Variants in EYS observed in about 807,000 individuals in gnomAD.
The protein encoded by EYS is protein eyes shut homolog.
In EYS, 250 loss-of-function variants were observed where a neutral mutation model predicts 282.1. The ratio of observed to expected loss-of-function variants is 0.89; its 90% confidence interval spans 0.80 to 0.98. The LOEUF is 0.98. EYS is among the 50% of genes least tolerant of loss of function. EYS has a pLI of 0.00. For missense variants in EYS, 4,016 were observed against 3,709.0 expected, an observed-to-expected ratio of 1.08 and a Z score of -2.15; for synonymous variants, 1,355 against 1,282.9, an observed-to-expected ratio of 1.06 and a Z score of -1.20.
intron 37 of EYS, among the ~76,000 whole-genome samples, chr6:63,795,137 A>G: frequency 6.6e-6 from 1 of 152,214 alleles, no homozygotes; most frequent in Non-Finnish European, 1.5e-5. Flanking sequence ...CAGCACCATT[A>G]AGCAGTGAGT....
At chr6:65,593,323 G>A (rs116489155) in intron 2 of EYS, among the ~76,000 whole-genome samples, 2,813 of 152,098 alleles carry the variant, frequency 0.018, 35 homozygotes, top group Middle Eastern at 0.031. Context: ...ATTCATATTA[G>A]AAGATCAAAT....
chr6:63,973,870 T>C (rs951891114), intron 35 of EYS, among the ~76,000 whole-genome samples: 1 of 152,146 alleles, frequency 6.6e-6, no homozygotes, highest in African/African-American at 2.4e-5. Context: ...AAGGTTTAGG[T>C]AGGCAGGTGG....
Position 65,289,189 on chromosome 6 carries a change from G to C in EYS, c.2023+6674C>G, listed in dbSNP as rs542206927. On this transcript the variant is annotated intron_variant, in intron 12 of 42. Transcript: ENST00000503581. Reference sequence around the variant, plus strand: ...AATATGTTTATTTTATACAAATATGGATTAAAATAAGAAACTTTTAAGTAT... The same window carrying C: ...AATATGTTTATTTTATACAAATATGCATTAAAATAAGAAACTTTTAAGTAT... Among the ~76,000 whole-genome samples the C allele has an allele frequency of 1.3e-4, 20 of 150,800 alleles. 1 individual carries two copies. In the South Asian group the frequency reaches 4.2e-3, roughly 31 times the overall value.
intron 12 of EYS, among the ~76,000 whole-genome samples, chr6:65,090,432 ATTACCCAGTCTTGGGTACATCT>A (rs1217781326): frequency 1.3e-5 from 2 of 152,106 alleles, no homozygotes; most frequent in Non-Finnish European, 2.9e-5. Flanking sequence ...TTCTTTATAA[ATTACCCAGTCTTGGGTACATCT>A]TTACAACAGT....
chr6:64,454,682 G>A (rs920982473), intron 26 of EYS, among the ~76,000 whole-genome samples: 2 of 152,070 alleles, frequency 1.3e-5, no homozygotes, highest in East Asian at 3.9e-4. Flanking sequence ...TCATATGTGG[G>A]GGTTCTACTG....
chr6:64,717,784 A>C (rs910319893), intron 22 of EYS, among the ~76,000 whole-genome samples: 12 of 152,326 alleles, frequency 7.9e-5, no homozygotes, highest in African/African-American at 2.4e-4. Context: ...CTTTACACTT[A>C]GGTTCAAAGT....
In EYS at chr6:65,384,829, T is replaced by G. The variant is rs927811580; in HGVS notation, c.1185-329A>C. On this transcript the variant is annotated intron_variant, in intron 7 of 42. Coordinates refer to ENST00000503581, the MANE Select transcript of EYS (RefSeq NM_001142800.2). ...TGAAGAAAAAACATGACAAATGTGA[T>G]TTTTTAATGTTTAGTAGAGCCAGTA... Among the ~76,000 whole-genome samples, 7 of 152,008 alleles carry G rather than the reference T, an allele frequency of 4.6e-5. No homozygotes were observed. The East Asian group carries it at 5.8e-4, about 13-fold the overall frequency.
chr6:63,975,630 G>A (rs907432042), intron 35 of EYS, among the ~76,000 whole-genome samples: 1 of 152,062 alleles, frequency 6.6e-6, no homozygotes, highest in East Asian at 1.9e-4. Flanking sequence ...GACAGCAGAG[G>A]GTTACAGTGA....
intron 31 of EYS, among the ~76,000 whole-genome samples, chr6:64,115,480 G>A (rs1364208033): frequency 6.6e-6 from 1 of 152,060 alleles, no homozygotes; most frequent in Non-Finnish European, 1.5e-5. Flanking sequence ...AGATAAGGAG[G>A]ACTCCAGCAG....
At chr6:65,485,585 G>A (rs544586869) in intron 5 of EYS, among the ~76,000 whole-genome samples, 71 of 152,264 alleles carry the variant, frequency 4.7e-4, no homozygotes, top group African/African-American at 1.6e-3. Flanking sequence ...CAAGTGGATC[G>A]CTGGAGGACA....
At chr6:64,595,362 C>A (rs990428984) in intron 24 of EYS, among the ~76,000 whole-genome samples, 23 of 152,280 alleles carry the variant, frequency 1.5e-4, no homozygotes, top group African/African-American at 4.8e-4. Context: ...AAACCCTTTC[C>A]TCTAAGAACT....
chr6:64,534,475 C>A (rs966475518), intron 26 of EYS, among the ~76,000 whole-genome samples: 1 of 152,054 alleles, frequency 6.6e-6, no homozygotes, highest in Non-Finnish European at 1.5e-5. Flanking sequence ...TTACATTAAT[C>A]ATTCAATAAA....
chr6:65,596,533 G>A (rs1215497910), intron 2 of EYS, among the ~76,000 whole-genome samples: 2 of 152,018 alleles, frequency 1.3e-5, no homozygotes, highest in African/African-American at 2.4e-5. Context: ...TATGAATCCT[G>A]AAATGAAAGA....
chr6:64,644,516 G>C (rs1312504121), intron 22 of EYS, among the ~76,000 whole-genome samples: 1 of 152,090 alleles, frequency 6.6e-6, no homozygotes, highest in Non-Finnish European at 1.5e-5. Flanking sequence ...TTTTAGGAAT[G>C]CATATTCTCT....
intron 31 of EYS, among the ~76,000 whole-genome samples, chr6:64,187,748 T>G (rs1181287300): frequency 6.6e-6 from 1 of 152,120 alleles, no homozygotes; most frequent in Non-Finnish European, 1.5e-5. Flanking sequence ...GAACTGCATA[T>G]GTGAAATAAC....
At chr6:65,014,368 CTT>C (rs1323974621) in intron 13 of EYS, among the ~76,000 whole-genome samples, 4 of 152,158 alleles carry the variant, frequency 2.6e-5, no homozygotes, top group African/African-American at 9.7e-5. Context: ...AAAAATGTGA[CTT>C]GTATTAAATC....
chr6:65,122,156 A>C (rs537054407), intron 12 of EYS, among the ~76,000 whole-genome samples: 1 of 152,278 alleles, frequency 6.6e-6, no homozygotes, highest in Non-Finnish European at 1.5e-5. Context: ...TCAGAATCCC[A>C]AAAAATTGTT....
At chr6:64,866,806 A>G (rs9354175) in intron 19 of EYS, among the ~76,000 whole-genome samples, 23,576 of 151,678 alleles carry the variant, frequency 0.16, 2,158 homozygotes, top group East Asian at 0.49. Context: ...TCCTGAGAAT[A>G]TTAATTTTCC....
At chr6:64,958,354 C>G (rs1446087693) in intron 14 of EYS, among the ~76,000 whole-genome samples, 2 of 151,928 alleles carry the variant, frequency 1.3e-5, no homozygotes, top group African/African-American at 4.8e-5. Flanking sequence ...TGCACTCCAG[C>G]CTGGGTGACA....
Sources: gnomAD v4.1 joint callset for allele counts (sites outside exome capture counted in the v4.1 genomes callset) on GRCh38, gnomAD v4.1.1 for gene constraint, MANE v1.5 for transcripts, NCBI Gene and HGNC (gene_info 2026-07-23, HGNC 2026-07-21) for gene names.